ACSF3: variants seen among roughly 807,000 people sequenced by gnomAD.
ACSF3 encodes malonate--CoA ligase ACSF3, mitochondrial.
Under a neutral mutation model 53.2 loss-of-function variants are expected in ACSF3, and 78 were observed. That is an observed-to-expected ratio of 1.47 (90% CI 1.22 to 1.77). ACSF3 has a LOEUF of 1.77. Among genes scored for constraint, ACSF3 ranks in the 40% most tolerant of loss-of-function variants. ACSF3 has a pLI of 0.00. For synonymous variants in ACSF3, 414 were observed against 333.1 expected (o/e 1.24, Z -2.65); for missense variants, 937 against 771.1 (o/e 1.22, Z -2.55).
Position 89,112,391 on chromosome 16 carries a change from C to T in ACSF3, c.977+145C>T, listed in dbSNP as rs865979983. The T allele has an allele frequency of 6.2e-5, 64 of 1,035,332 alleles. No homozygotes were observed. The African/African-American group carries it at 8.0e-4, about 13-fold the overall frequency. 64.1% of individuals were successfully genotyped at this position (1,035,332 alleles called of 1,614,324 possible). ...TGTTCCCTCTCTCTCTACCCGTCTC[C>T]GTCTCTACCTCTCTAACTGTCTCTC... is the stretch of plus-strand genomic sequence containing the variant. On this transcript the variant is annotated intron_variant, in intron 5 of 10. Transcript: ENST00000614302.
At chr16:89,145,650 G>A (rs1187930336) in intron 9 of ACSF3, among the ~76,000 whole-genome samples, 3 of 152,210 alleles carry the variant, frequency 2.0e-5, no homozygotes, top group African/African-American at 4.8e-5. Flanking sequence ...GCTCCCATCT[G>A]CATGATTCCC....
chr16:89,103,382 A>G (rs1477694334), intron 4 of ACSF3, among the ~76,000 whole-genome samples: 1 of 152,250 alleles, frequency 6.6e-6, no homozygotes, highest in African/African-American at 2.4e-5. Flanking sequence ...AGGAGGCTCC[A>G]GGGCAAAGTC....
intron 10 of ACSF3, 63 bp from the exon 11 acceptor site, chr16:89,154,027 C>T: frequency 2.6e-6 from 4 of 1,550,246 alleles, no homozygotes; most frequent in East Asian, 2.3e-5. Flanking sequence ...CTGCTGGGCG[C>T]CTGAGTTCCT....
intron 7 of ACSF3, among the ~76,000 whole-genome samples, chr16:89,129,928 A>T (rs1218466109): frequency 6.6e-6 from 1 of 152,230 alleles, no homozygotes; most frequent in African/African-American, 2.4e-5. Context: ...GAGTGTAGTC[A>T]GTGTAATACC....
chr16:89,114,836 A>G (rs1904806649), intron 6 of ACSF3: 4 of 376,202 alleles, frequency 1.1e-5, no homozygotes, highest in South Asian at 8.5e-5. Flanking sequence ...AGACCACATC[A>G]GCAGTGGTGG....
At chr16:89,108,175 G>C (rs150361886) in intron 4 of ACSF3, among the ~76,000 whole-genome samples, 1 of 152,188 alleles carries the variant, frequency 6.6e-6, no homozygotes, top group African/African-American at 2.4e-5. Context: ...CAACACGTGG[G>C]AATTCTGGGA....
chr16:89,128,641 A>T (rs968209339), intron 7 of ACSF3, among the ~76,000 whole-genome samples: 2 of 152,192 alleles, frequency 1.3e-5, no homozygotes, highest in African/African-American at 4.8e-5. Flanking sequence ...CTTGTGGATT[A>T]TTTAGAAGTA....
At chr16:89,094,549 G>A (rs1974387573) in intron 1 of ACSF3, among the ~76,000 whole-genome samples, 1 of 152,180 alleles carries the variant, frequency 6.6e-6, no homozygotes, top group South Asian at 2.1e-4. Context: ...AGGTTTAAAG[G>A]GGTGAGGCCC....
At chr16:89,102,835 C>A in intron 4 of ACSF3, 76 bp downstream of exon 4, 1 of 1,575,684 alleles carries the variant, frequency 6.3e-7, no homozygotes, top group Non-Finnish European at 8.6e-7. Flanking sequence ...GGCTCTCAGC[C>A]GCGCCCTCAG....
rs769697688 is a variant in ACSF3, at chr16:89,114,320, C to G, written c.978-19C>G. ...CCACGTCCCAAGGGGCTAAACCTGCCTTTGGTTGTGCCGCGTAGGCTGATG... is the reference window on the plus strand; with the variant it reads ...CCACGTCCCAAGGGGCTAAACCTGCGTTTGGTTGTGCCGCGTAGGCTGATG... On this transcript the variant is annotated intron_variant, in intron 5 of 10. Coordinates refer to ENST00000614302, the MANE Select transcript of ACSF3 (RefSeq NM_001243279.3). The G allele has an allele frequency of 1.1e-5, 17 of 1,613,830 alleles. No individual in the cohort carries two copies. The highest frequency in any genetic ancestry group is 1.4e-5 in the Non-Finnish European group (17 of 1,180,014).
rs753339356 is a variant in ACSF3, at chr16:89,100,920, A to G, written c.239A>G (p.Gln80Arg). ...TATTCCCGCAGCCTTCGCCTGTCCC[A>G]GGAGATCTGCAGGCTCTGCGGGTGT... ...ELYSRSLRLSQEICRLCGCVG... is the reference protein window; with the variant it reads ...ELYSRSLRLSREICRLCGCVG... The change falls in exon 3 of 11, where the codon CAG (glutamine) becomes CGG (arginine). Residue 80 changes from glutamine to arginine, a missense_variant. Gln to Arg is a conservative substitution (Grantham distance 43). Coordinates refer to ENST00000614302, the MANE Select transcript of ACSF3 (RefSeq NM_001243279.3). The G allele has an allele frequency of 1.2e-6, 2 of 1,613,868 alleles. No homozygotes were observed. Among genetic ancestry groups the G allele is most frequent in the Admixed American group, 1.7e-5 (1 of 60,034 alleles).
intron 8 of ACSF3, among the ~76,000 whole-genome samples, chr16:89,134,616 G>C (rs1387714121): frequency 6.6e-6 from 1 of 152,206 alleles, no homozygotes; most frequent in African/African-American, 2.4e-5. Context: ...CCCATACAAA[G>C]GGAGGGGACC....
At chr16:89,141,547 G>C (rs758967959) in intron 8 of ACSF3, among the ~76,000 whole-genome samples, 1 of 148,270 alleles carries the variant, frequency 6.7e-6, no homozygotes, top group Non-Finnish European at 1.5e-5. Context: ...CGGCCTAGAG[G>C]GGGCCTTTGC....
In ACSF3 at chr16:89,104,106, C is replaced by T. The variant is rs558254212; in HGVS notation, c.822+1347C>T. Among the ~76,000 whole-genome samples the T allele has an allele frequency of 2.6e-5, 4 of 152,166 alleles. No individual in the cohort carries two copies. In the East Asian group the frequency reaches 7.7e-4, roughly 29 times the overall value. On this transcript the variant is annotated intron_variant, in intron 4 of 10. Coordinates refer to ENST00000614302, the MANE Select transcript of ACSF3 (RefSeq NM_001243279.3). ...GGCTGCAGAGGGCATGAGGGGCAGG[C>T]CTTGAGCCCACAGGAAGGACACGGT...
chr16:89,094,525 C>T (rs1273874920), intron 1 of ACSF3, among the ~76,000 whole-genome samples: 1 of 152,150 alleles, frequency 6.6e-6, no homozygotes, highest in Non-Finnish European at 1.5e-5. Context: ...CAGCCCATTC[C>T]CTGGAGAGAG....
At position 89,156,124 on chromosome 16, in the gene ACSF3, G is replaced by A. The variant is rs1446634241; in HGVS notation, c.*1917G>A. Among the ~76,000 whole-genome samples, 2 of 152,192 alleles carry A rather than the reference G, an allele frequency of 1.3e-5. No individual in the cohort carries two copies. Among genetic ancestry groups the A allele is most frequent in the Admixed American group, 1.3e-4 (2 of 15,284 alleles). ...CGGCCTTCGTGCACACAGTCCGCCA[G>A]TGCCCAGCCAGGCCCCTGGTTCCCC... On this transcript the variant is annotated 3_prime_UTR_variant, in exon 11 of 11. Transcript: ENST00000614302.
Position 89,146,069 on chromosome 16 carries a change from G to GGGGGGGGGGGGGGGGGC in ACSF3, c.1613+20_1613+21insGGGGGGGGGGGGGGGGC. ...GGCCAGGTAGGGCTGGGTGGGGCGG[G>GGGGGGGGGGGGGGGGGC]CAGGGAGCACTCATGGGGTCTTGGG... is the stretch of plus-strand genomic sequence containing the variant. On this transcript the variant is annotated intron_variant, in intron 10 of 10. Transcript: ENST00000614302. The GGGGGGGGGGGGGGGGGC allele has an allele frequency of 1.9e-6, 1 of 534,954 alleles. No individual in the cohort carries two copies. Among genetic ancestry groups the GGGGGGGGGGGGGGGGGC allele is most frequent in the Non-Finnish European group, 3.8e-6 (1 of 262,924 alleles). The allele number at this position is 534,954 out of a possible 1,614,324, so 33.1% of individuals were successfully genotyped here. A position where few individuals can be genotyped will look rare whatever the true frequency, so the allele number is the denominator to read the frequency against.
chr16:89,106,395 C>T (rs372176489), intron 4 of ACSF3, among the ~76,000 whole-genome samples: 6 of 151,712 alleles, frequency 4.0e-5, no homozygotes, highest in Admixed American at 2.0e-4. Flanking sequence ...TGGGTTCAAG[C>T]GATTCTCCTG....
At chr16:89,114,923 G>A in intron 6 of ACSF3, 1 of 329,598 alleles carries the variant, frequency 3.0e-6, no homozygotes, top group South Asian at 2.5e-5. Context: ...TGGTGGGCAG[G>A]GTGGGATGAG....
Sources: gnomAD v4.1 joint callset for allele counts (sites outside exome capture counted in the v4.1 genomes callset) on GRCh38, gnomAD v4.1.1 for gene constraint, MANE v1.5 for transcripts, NCBI Gene and HGNC (gene_info 2026-07-23, HGNC 2026-07-21) for gene names.